CCDC178: variants seen among roughly 807,000 people sequenced by gnomAD.
CCDC178 encodes the protein coiled-coil domain-containing protein 178.
A neutral mutation model predicts 117.4 loss-of-function variants in CCDC178; 126 were observed. The observed-to-expected ratio is 1.07, with a 90% CI of 0.93 to 1.24. The LOEUF is 1.24. Ranked by LOEUF, CCDC178 falls within the 50% of genes most tolerant of loss-of-function variation. The pLI, the probability that CCDC178 is intolerant of heterozygous loss-of-function variation, is 0.00. For synonymous variants in CCDC178, 283 were observed against 313.4 expected, an observed-to-expected ratio of 0.90 and a Z score of 1.02; for missense variants, 1,030 against 986.9, an observed-to-expected ratio of 1.04 and a Z score of -0.59.
intron 5 of CCDC178, among the ~76,000 whole-genome samples, chr18:33,375,187 T>C (rs1038260376): frequency 5.3e-5 from 8 of 152,188 alleles, no homozygotes; most frequent in African/African-American, 1.9e-4. Context: ...CTTGTATCGT[T>C]CTCCTACTTT....
At chr18:33,234,868 A>G (rs2059409765) in intron 15 of CCDC178, among the ~76,000 whole-genome samples, 1 of 152,188 alleles carries the variant, frequency 6.6e-6, no homozygotes. Context: ...ATAAAAATTA[A>G]TGAATTAATA....
intron 21 of CCDC178, among the ~76,000 whole-genome samples, chr18:32,978,203 A>ATT (rs34863142): frequency 0.12 from 11,160 of 89,542 alleles, 632 homozygotes; most frequent in South Asian, 0.22. Context: ...CTCAAAAAAG[A>ATT]TTTTTTTTTT....
intron 18 of CCDC178, 71 bp from the exon 19 acceptor site, chr18:33,215,766 A>G (rs1308491474): frequency 3.4e-6 from 4 of 1,165,356 alleles, no homozygotes; most frequent in Non-Finnish European, 4.8e-6. Flanking sequence ...TTAGGAACAC[A>G]ATTACATTGG....
At chr18:33,001,804 G>A (rs2055639608) in intron 21 of CCDC178, among the ~76,000 whole-genome samples, 1 of 152,006 alleles carries the variant, frequency 6.6e-6, no homozygotes, top group East Asian at 1.9e-4. Context: ...CATTTCACCT[G>A]CAAAGACACA....
intron 21 of CCDC178, among the ~76,000 whole-genome samples, chr18:33,007,450 A>G (rs1415603714): frequency 1.3e-5 from 2 of 152,142 alleles, no homozygotes; most frequent in Non-Finnish European, 2.9e-5. Context: ...AACAGGTGAC[A>G]TCTTGTAAAT....
At chr18:33,397,056 C>A in intron 4 of CCDC178, 93 bp downstream of exon 4, 1 of 782,124 alleles carries the variant, frequency 1.3e-6, no homozygotes, top group African/African-American at 1.8e-5. Context: ...CAGAAGAATG[C>A]CTGAAATTAT....
At chr18:32,990,201 T>C (rs889172776) in intron 21 of CCDC178, among the ~76,000 whole-genome samples, 8 of 152,272 alleles carry the variant, frequency 5.3e-5, no homozygotes, top group African/African-American at 1.9e-4. Flanking sequence ...TTTTCACAAA[T>C]TAATCTACAG....
intron 20 of CCDC178, among the ~76,000 whole-genome samples, chr18:33,128,616 T>G (rs1354762893): frequency 6.6e-6 from 1 of 152,140 alleles, no homozygotes; most frequent in East Asian, 1.9e-4. Flanking sequence ...TAATTTAAAA[T>G]TGCCTTTTTA....
At chr18:33,136,461 G>A (rs796352739) in intron 20 of CCDC178, among the ~76,000 whole-genome samples, 36 of 152,210 alleles carry the variant, frequency 2.4e-4, no homozygotes, top group African/African-American at 8.7e-4. Context: ...TCTCTGCAGG[G>A]TTAGAATAAC....
intron 21 of CCDC178, among the ~76,000 whole-genome samples, chr18:33,052,552 A>G (rs569480168): frequency 6.6e-6 from 1 of 152,192 alleles, no homozygotes; most frequent in Non-Finnish European, 1.5e-5. Context: ...CATCCAAATC[A>G]CTATAAAGAA....
intron 21 of CCDC178, among the ~76,000 whole-genome samples, chr18:33,040,874 T>G (rs544168277): frequency 1.3e-5 from 2 of 151,982 alleles, no homozygotes; most frequent in East Asian, 3.9e-4. Flanking sequence ...GTTTGAAAAT[T>G]TTGCAAAGAG....
chr18:32,956,393 A>G (rs1215699978), intron 22 of CCDC178, among the ~76,000 whole-genome samples: 2 of 152,230 alleles, frequency 1.3e-5, no homozygotes, highest in Non-Finnish European at 2.9e-5. Context: ...ATCGTATTAT[A>G]CAACCACTTA....
chr18:33,295,245 T>C (rs992299598), intron 11 of CCDC178, among the ~76,000 whole-genome samples: 3 of 152,118 alleles, frequency 2.0e-5, no homozygotes, highest in Admixed American at 2.0e-4. Context: ...TAATTACATA[T>C]TCATTGGCAA....
intron 20 of CCDC178, among the ~76,000 whole-genome samples, chr18:33,153,473 T>A (rs1043112094): frequency 6.6e-6 from 1 of 152,126 alleles, no homozygotes; most frequent in African/African-American, 2.4e-5. Flanking sequence ...ATATCTTATA[T>A]CTATGTTTGT....
chr18:33,190,101 C>A (rs535533310), intron 20 of CCDC178, among the ~76,000 whole-genome samples: 2 of 152,254 alleles, frequency 1.3e-5, no homozygotes, highest in South Asian at 4.2e-4. Context: ...TAGCTTCCTG[C>A]AGAACTCTCC....
At chr18:33,015,637 T>C (rs965493792) in intron 21 of CCDC178, among the ~76,000 whole-genome samples, 2 of 140,706 alleles carry the variant, frequency 1.4e-5, no homozygotes, top group African/African-American at 5.3e-5. Context: ...ATATGGTAAA[T>C]AGAAAAAAAA....
At chr18:33,226,293 G>A (rs920614994) in intron 16 of CCDC178, among the ~76,000 whole-genome samples, 2 of 151,938 alleles carry the variant, frequency 1.3e-5, no homozygotes, top group Admixed American at 6.6e-5. Flanking sequence ...CTAGAAACAC[G>A]GCATGGATCA....
In CCDC178 at chr18:33,163,699, T is replaced by A. The variant is rs1298794287; in HGVS notation, c.2238+48197A>T. Among the ~76,000 whole-genome samples the A allele has an allele frequency of 3.3e-5, 5 of 152,276 alleles. No individual in the cohort carries two copies. The East Asian group carries it at 9.6e-4, about 29-fold the overall frequency. ...ATTTGCATTTGACATGAAAATAATA[T>A]TTACTAGTCATGAAACTTTGGCAGC... On this transcript the variant is annotated intron_variant, in intron 20 of 22. Coordinates refer to ENST00000383096, the MANE Select transcript of CCDC178 (RefSeq NM_001105528.4).
chr18:33,144,634 C>T (rs1464417330), intron 20 of CCDC178, among the ~76,000 whole-genome samples: 2 of 152,016 alleles, frequency 1.3e-5, no homozygotes, highest in Non-Finnish European at 2.9e-5. Context: ...TCCTTATGCA[C>T]TACTTTCAAT....
Sources: allele counts gnomAD v4.1 joint callset (sites outside exome capture counted in the v4.1 genomes callset), GRCh38; gene constraint gnomAD v4.1.1; transcripts MANE v1.5; gene names NCBI Gene and HGNC (gene_info 2026-07-23, HGNC 2026-07-21).